Variants in MEF2C observed in about 807,000 individuals in gnomAD.
The protein encoded by MEF2C is myocyte enhancer factor 2C, also known as myocyte-specific enhancer factor 2C.
MEF2C carries 6 observed loss-of-function variants against 50.5 expected under a neutral mutation model. That is an observed-to-expected ratio of 0.12 (90% CI 0.07 to 0.23). The LOEUF is 0.23. Among genes scored for constraint, MEF2C ranks in the 10% least tolerant of loss-of-function variants. The pLI is 1.00. For missense variants in MEF2C, 276 were observed against 605.0 expected, an observed-to-expected ratio of 0.46 and a Z score of 5.70; for synonymous variants, 183 against 228.0, an observed-to-expected ratio of 0.80 and a Z score of 1.78.
chr5:88,740,506 AG>A (rs1766149038), intron 6 of MEF2C: 8 of 982,556 alleles, frequency 8.1e-6, no homozygotes, highest in Non-Finnish European at 9.7e-6. Flanking sequence ...CTGAGGCTTA[AG>A]AAGCTTCCGT....
chr5:88,794,341 C>G (rs542053082), intron 3 of MEF2C, among the ~76,000 whole-genome samples: 5 of 152,332 alleles, frequency 3.3e-5, no homozygotes, highest in African/African-American at 1.2e-4. Context: ...ACCATTCTAA[C>G]TGGTGTGAGA....
chr5:88,844,000 CG>C (rs1818411749), intron 1 of MEF2C, among the ~76,000 whole-genome samples: 4 of 152,014 alleles, frequency 2.6e-5, no homozygotes, highest in Admixed American at 2.6e-4. Context: ...TTAGTAGAGA[CG>C]GGGTTTCACC....
intron 3 of MEF2C, among the ~76,000 whole-genome samples, chr5:88,795,365 T>TTAC (rs1335462933): frequency 6.6e-6 from 1 of 152,186 alleles, no homozygotes; most frequent in African/African-American, 2.4e-5. Context: ...TTCCCATCTC[T>TTAC]TGTAAGTTGT....
At position 88,753,666 on chromosome 5, in the gene MEF2C, T is replaced by C. The variant is rs577282163; in HGVS notation, c.403-1623A>G. Among the ~76,000 whole-genome samples, 7 of 152,286 alleles carry C rather than the reference T, an allele frequency of 4.6e-5. No homozygotes were observed. In the South Asian group the frequency reaches 1.0e-3, roughly 23 times the overall value. ...TCGGCCTCCCAAAGTACTGGGATTA[T>C]AGGTGTGAGCTACCACATCTGGCCC... is the stretch of plus-strand genomic sequence containing the variant. On this transcript the variant is annotated intron_variant, in intron 4 of 10. Coordinates refer to ENST00000504921, the MANE Select transcript of MEF2C (RefSeq NM_002397.5).
chr5:88,796,028 G>C (rs760275192), intron 3 of MEF2C, among the ~76,000 whole-genome samples: 26 of 152,132 alleles, frequency 1.7e-4, no homozygotes, highest in Non-Finnish European at 3.2e-4. Flanking sequence ...ATGTGCTGCT[G>C]GATTCGGTTT....
chr5:88,869,494 G>A (rs1828835143), intron 1 of MEF2C, among the ~76,000 whole-genome samples: 1 of 151,158 alleles, frequency 6.6e-6, no homozygotes, highest in Non-Finnish European at 1.5e-5. Context: ...CCTTTTTAAA[G>A]CCTTCAATTC....
intron 3 of MEF2C, among the ~76,000 whole-genome samples, chr5:88,786,952 T>C (rs1214241115): frequency 3.3e-5 from 5 of 152,218 alleles, no homozygotes; most frequent in Admixed American, 2.0e-4. Context: ...TAATTGGGTA[T>C]CATAATCACA....
chr5:88,790,425 A>G (rs780874133), intron 3 of MEF2C, among the ~76,000 whole-genome samples: 16 of 152,206 alleles, frequency 1.1e-4, no homozygotes, highest in Non-Finnish European at 2.1e-4. Context: ...CTGAGTTAGA[A>G]TCAGCATTTT....
intron 6 of MEF2C, chr5:88,743,107 T>C (rs1180711642): frequency 2.1e-6 from 2 of 961,268 alleles, no homozygotes; most frequent in East Asian, 1.1e-4. Flanking sequence ...ACTATTAACC[T>C]AGATTTTTTT....
intron 6 of MEF2C, among the ~76,000 whole-genome samples, chr5:88,747,670 C>T (rs1248658821): frequency 6.6e-6 from 1 of 151,818 alleles, no homozygotes; most frequent in Non-Finnish European, 1.5e-5. Flanking sequence ...CTTTTAATGA[C>T]TTTCAGAACC....
At position 88,875,534 on chromosome 5, in the gene MEF2C, G is replaced by A. The variant is rs549292402; in HGVS notation, c.-143+7421C>T. ...AGTACAGATATCTGATTGGGTCTGG[G>A]TGTGCTGGAGGTAGGGGGTGGGGAA... On this transcript the variant is annotated intron_variant, in intron 1 of 10. Transcript: ENST00000504921. 5.9e-5 allele frequency among the ~76,000 whole-genome samples: 9 copies of A among 151,998 alleles called. No homozygotes were observed. In the South Asian group the frequency reaches 1.9e-3, roughly 32 times the overall value.
chr5:88,893,549 A>G (rs943482577), intron 1 of MEF2C, among the ~76,000 whole-genome samples: 1 of 151,962 alleles, frequency 6.6e-6, no homozygotes, highest in Non-Finnish European at 1.5e-5. Context: ...TTAAATGACT[A>G]TGTTCTACTT....
intron 1 of MEF2C, among the ~76,000 whole-genome samples, chr5:88,878,466 C>G (rs1831791813): frequency 6.6e-6 from 1 of 151,972 alleles, no homozygotes; most frequent in African/African-American, 2.4e-5. Flanking sequence ...TCTACGCTTA[C>G]CATCCTAATG....
At chr5:88,808,723 A>G (rs749739071) in intron 2 of MEF2C, among the ~76,000 whole-genome samples, 10 of 152,152 alleles carry the variant, frequency 6.6e-5, no homozygotes, top group Non-Finnish European at 1.3e-4. Context: ...CATTGTTCAT[A>G]GTTAGATAAA....
At chr5:88,791,077 T>C (rs1316017416) in intron 3 of MEF2C, among the ~76,000 whole-genome samples, 1 of 152,216 alleles carries the variant, frequency 6.6e-6, no homozygotes, top group Non-Finnish European at 1.5e-5. Context: ...AAGAATATTC[T>C]ACACTTTGAT....
At chr5:88,839,684 A>G (rs969449351) in intron 1 of MEF2C, 1 of 152,222 alleles carries the variant, frequency 6.6e-6, no homozygotes, top group Non-Finnish European at 1.5e-5. Context: ...ATTTCCATCA[A>G]GTAACTAGTT....
At chr5:88,770,059 G>A (rs911845986) in intron 3 of MEF2C, 12 of 933,288 alleles carry the variant, frequency 1.3e-5, no homozygotes, top group African/African-American at 3.6e-5. Flanking sequence ...AAATGAGGAA[G>A]GAAAAGACAA....
At chr5:88,749,019 T>C (rs935352684) in intron 6 of MEF2C, 51 bp downstream of exon 6, 5 of 1,552,030 alleles carry the variant, frequency 3.2e-6, no homozygotes, top group Non-Finnish European at 4.4e-6. Context: ...AATCACCTAG[T>C]AGAAGAACTC....
At chr5:88,756,600 T>C (rs1473324531) in intron 4 of MEF2C, among the ~76,000 whole-genome samples, 2 of 152,206 alleles carry the variant, frequency 1.3e-5, no homozygotes, top group African/African-American at 2.4e-5. Flanking sequence ...TCATTTAATC[T>C]CCCTTGACCT....
Sources: allele counts gnomAD v4.1 joint callset (sites outside exome capture counted in the v4.1 genomes callset), GRCh38; gene constraint gnomAD v4.1.1; transcripts MANE v1.5; gene names NCBI Gene and HGNC (gene_info 2026-07-23, HGNC 2026-07-21).